Variants in PPM1L observed in about 807,000 individuals in gnomAD.
PPM1L encodes the protein protein phosphatase 1L.
Under a neutral mutation model 31.4 loss-of-function variants are expected in PPM1L, and 13 were observed. The observed-to-expected ratio is 0.41, with a 90% CI of 0.27 to 0.66. PPM1L has a LOEUF of 0.66. Among genes scored for constraint, PPM1L ranks in the 30% least tolerant of loss-of-function variants. PPM1L has a pLI of 0.29. For synonymous variants in PPM1L, 184 were observed against 175.4 expected (o/e 1.05, Z -0.39); for missense variants, 326 against 453.7 (o/e 0.72, Z 2.56).
At chr3:160,865,002 T>C (rs1009212618) in intron 1 of PPM1L, among the ~76,000 whole-genome samples, 2 of 152,222 alleles carry the variant, frequency 1.3e-5, no homozygotes, top group African/African-American at 4.8e-5. Flanking sequence ...TACAGGTTAG[T>C]AAAAACTAGC....
chr3:160,927,068 A>G (rs1714620586), intron 1 of PPM1L, among the ~76,000 whole-genome samples: 1 of 152,192 alleles, frequency 6.6e-6, no homozygotes. Flanking sequence ...TATTGTGTAA[A>G]TAGAAGCTCT....
At chr3:161,010,426 T>A (rs1263945499) in intron 2 of PPM1L, among the ~76,000 whole-genome samples, 14 of 152,212 alleles carry the variant, frequency 9.2e-5, no homozygotes, top group African/African-American at 3.1e-4. Flanking sequence ...TCTATCATTG[T>A]TGGACATTTG....
intron 2 of PPM1L, among the ~76,000 whole-genome samples, chr3:161,054,845 T>G (rs1576621382): frequency 6.6e-6 from 1 of 152,144 alleles, no homozygotes; most frequent in East Asian, 1.9e-4. Context: ...GTGGCCCATT[T>G]GTGTCCTTCC....
intron 1 of PPM1L, among the ~76,000 whole-genome samples, chr3:160,895,248 T>C (rs1056970398): frequency 6.6e-6 from 1 of 152,212 alleles, no homozygotes; most frequent in Non-Finnish European, 1.5e-5. Flanking sequence ...GATCTCATTC[T>C]GTTACCCAGG....
At chr3:160,910,501 G>A (rs924058248) in intron 1 of PPM1L, among the ~76,000 whole-genome samples, 1 of 152,004 alleles carries the variant, frequency 6.6e-6, no homozygotes, top group Admixed American at 6.6e-5. Flanking sequence ...TAGTAGAGAC[G>A]GGGTTTTGCC....
intron 1 of PPM1L, among the ~76,000 whole-genome samples, chr3:160,877,158 G>A (rs1435451679): frequency 6.6e-6 from 1 of 152,170 alleles, no homozygotes; most frequent in African/African-American, 2.4e-5. Context: ...TTTATCATTA[G>A]CCTTGTGTGT....
At chr3:160,782,133 G>A (rs538078509) in intron 1 of PPM1L, among the ~76,000 whole-genome samples, 26 of 151,512 alleles carry the variant, frequency 1.7e-4, no homozygotes, top group African/African-American at 6.3e-4. Flanking sequence ...AAGAAACCCT[G>A]TGTCTGTTAG....
intron 2 of PPM1L, among the ~76,000 whole-genome samples, chr3:161,025,605 C>A (rs1718361018): frequency 6.6e-6 from 1 of 150,778 alleles, no homozygotes; most frequent in Non-Finnish European, 1.5e-5. Context: ...GAGTCTCATG[C>A]AGCATTTGGT....
At chr3:160,972,957 T>C (rs1031943754) in intron 2 of PPM1L, among the ~76,000 whole-genome samples, 1 of 152,224 alleles carries the variant, frequency 6.6e-6, no homozygotes, top group Non-Finnish European at 1.5e-5. Flanking sequence ...CCAGTGATGA[T>C]GAGCATTTTT....
chr3:160,997,268 A>C (rs1393908450), intron 2 of PPM1L, among the ~76,000 whole-genome samples: 3 of 152,170 alleles, frequency 2.0e-5, no homozygotes, highest in Admixed American at 6.5e-5. Flanking sequence ...GGGACAGTAA[A>C]TGCTTGCAAC....
chr3:161,050,697 A>AT (rs1719245904), intron 2 of PPM1L, among the ~76,000 whole-genome samples: 1 of 152,160 alleles, frequency 6.6e-6, no homozygotes, highest in African/African-American at 2.4e-5. Flanking sequence ...AAACACTATA[A>AT]TTAATGTCCT....
intron 1 of PPM1L, among the ~76,000 whole-genome samples, chr3:160,807,808 A>G (rs1576647010): frequency 6.9e-6 from 1 of 145,030 alleles, no homozygotes. Context: ...CTGCTTGGGC[A>G]CTTTTTTTTT....
At chr3:160,864,954 G>A (rs1712037901) in intron 1 of PPM1L, among the ~76,000 whole-genome samples, 2 of 152,208 alleles carry the variant, frequency 1.3e-5, no homozygotes, top group African/African-American at 4.8e-5. Context: ...TCTACCATGT[G>A]TTGTCTGCAG....
chr3:160,986,731 G>A (rs2108039906), intron 2 of PPM1L, among the ~76,000 whole-genome samples: 1 of 152,190 alleles, frequency 6.6e-6, no homozygotes. Context: ...AGCAAAACTT[G>A]GGATTTTTAT....
At chr3:161,030,609 G>A (rs1412857124) in intron 2 of PPM1L, among the ~76,000 whole-genome samples, 3 of 152,184 alleles carry the variant, frequency 2.0e-5, no homozygotes, top group Non-Finnish European at 4.4e-5. Context: ...AGATGCCAAA[G>A]TGGGAATTTG....
chr3:160,998,488 T>C (rs181476044), intron 2 of PPM1L, among the ~76,000 whole-genome samples: 11 of 152,272 alleles, frequency 7.2e-5, no homozygotes, highest in Non-Finnish European at 1.2e-4. Context: ...CCCTTTTTTT[T>C]CCCTTTGCAG....
chr3:160,843,466 A>ATATATATATATATATATG (rs1713969103), intron 1 of PPM1L, among the ~76,000 whole-genome samples: 1 of 112,014 alleles, frequency 8.9e-6, no homozygotes, highest in South Asian at 2.9e-4. Context: ...ATATATATAT[A>ATATATATATATATATATG]TATGTTTTTT....
At chr3:160,951,889 C>T (rs968626229) in intron 1 of PPM1L, among the ~76,000 whole-genome samples, 2 of 152,168 alleles carry the variant, frequency 1.3e-5, no homozygotes, top group Non-Finnish European at 2.9e-5. Context: ...AGCATTTGCA[C>T]GTCTGCAGCT....
chr3:161,019,965 A>C (rs1366395307), intron 2 of PPM1L, among the ~76,000 whole-genome samples: 3 of 152,040 alleles, frequency 2.0e-5, no homozygotes, highest in Admixed American at 2.0e-4. Context: ...TCTCTACTAA[A>C]AATACAAAAA....
Sources: gnomAD v4.1 joint callset for allele counts (sites outside exome capture counted in the v4.1 genomes callset) on GRCh38, gnomAD v4.1.1 for gene constraint, MANE v1.5 for transcripts, NCBI Gene and HGNC (gene_info 2026-07-23, HGNC 2026-07-21) for gene names.